Variants in ZIC4 observed in about 807,000 individuals in gnomAD.
ZIC4 encodes Zic family zinc finger 4, also known as zinc finger protein ZIC 4.
A neutral mutation model predicts 28.8 loss-of-function variants in ZIC4; 15 were observed. The ratio of observed to expected loss-of-function variants is 0.52; its 90% CI spans 0.35 to 0.80. ZIC4 has a LOEUF of 0.80. Among genes scored for constraint, ZIC4 ranks in the 30% least tolerant of loss-of-function variants. The pLI is 0.01. For missense variants in ZIC4, 512 were observed against 467.1 expected (o/e 1.10, Z -0.89); for synonymous variants, 220 against 198.1 (o/e 1.11, Z -0.93).
chr3:147,396,031 T>C lies in ZIC4; in HGVS notation c.509A>G (p.Asn170Ser). The C allele has an allele frequency of 1.2e-6, 2 of 1,614,266 alleles. No homozygotes were observed. The highest frequency in any genetic ancestry group is 1.7e-6 in the Non-Finnish European group (2 of 1,180,048). Residue 170 changes from asparagine (N) to serine (S), a missense_variant, in exon 3 of 5, where the codon AAC (asparagine) becomes AGC (serine). This residue lies in a region of ZIC4 where 310 missense variants were observed against 256.5 expected (regional missense o/e 1.21). Coordinates refer to ENST00000383075, the MANE Select transcript of ZIC4 (RefSeq NM_032153.6). This position sits in a 1 kb window ranked among gnomAD's most constrained non-coding sequence, Gnocchi z 4.2. ...VEHVGGPEQA[N>S]HICFWEECPR... ...ACACTCCTCCCAGAAGCAAATGTGG[T>C]TGGCCTGTTCCGGGCCGCCGACGTG... is the stretch of plus-strand genomic sequence containing the variant.
intron 2 of ZIC4, among the ~76,000 whole-genome samples, chr3:147,399,961 C>T (rs769100849): frequency 2.0e-5 from 3 of 152,128 alleles, no homozygotes; most frequent in Non-Finnish European, 2.9e-5. Flanking sequence ...CCACTGCACC[C>T]GGCCAGATTT....
At chr3:147,392,454 G>A (rs1293260012) in intron 3 of ZIC4, 4 of 985,290 alleles carry the variant, frequency 4.1e-6, no homozygotes, top group Middle Eastern at 5.2e-4. Context: ...TGTAGGAGAG[G>A]AAAGGACCCC....
intron 3 of ZIC4, chr3:147,393,746 C>T (rs900440434): frequency 5.5e-6 from 2 of 364,118 alleles, no homozygotes; most frequent in African/African-American, 2.2e-5. Context: ...CCTCAGACGC[C>T]GGGGAAGGTG....
chr3:147,392,023 C>T, intron 3 of ZIC4: 1 of 985,516 alleles, frequency 1.0e-6, no homozygotes, highest in South Asian at 4.7e-5. Context: ...TATTTCATTA[C>T]GCTGCTCCAG....
Position 147,396,298 on chromosome 3 carries a change from C to T in ZIC4, c.242G>A (p.Gly81Glu). 1 of 1,605,078 alleles carries T rather than the reference C, an allele frequency of 6.2e-7. No homozygotes were observed. The highest frequency in any genetic ancestry group is 2.2e-5 in the East Asian group (1 of 44,666). ...MYARPEPFPP[G>E]PAARSDALAA... ...CAGGGCGTCGCTGCGGGCCGCAGGC[C>T]CTGGCGGGAAGGGCTCCGGCCGCGC... Residue 81 changes from glycine (G) to glutamate (E), a missense_variant, in exon 3 of 5, where the codon GGG becomes GAG. Physicochemically the swap from Gly to Glu is moderately conservative, Grantham distance 98. Coordinates refer to ENST00000383075, the MANE Select transcript of ZIC4 (RefSeq NM_032153.6). The surrounding 1 kb of genome is among the most constrained non-coding windows in gnomAD (Gnocchi z 4.2).
intron 3 of ZIC4, 200 bp from the exon 4 acceptor site, chr3:147,391,446 A>C (rs2107965880): frequency 3.5e-6 from 2 of 579,534 alleles, no homozygotes; most frequent in South Asian, 2.5e-5. Context: ...GAACGCCTCC[A>C]TCCCTCCCGC....
intron 2 of ZIC4, among the ~76,000 whole-genome samples, chr3:147,400,968 T>C (rs1470479628): frequency 6.6e-6 from 1 of 152,226 alleles, no homozygotes; most frequent in Admixed American, 6.5e-5. Context: ...TAAGTCTACT[T>C]TTCTGCTTCA....
chr3:147,395,403 C>A (rs1367442487), intron 3 of ZIC4, among the ~76,000 whole-genome samples: 6 of 152,170 alleles, frequency 3.9e-5, no homozygotes, highest in Non-Finnish European at 7.3e-5. Context: ...CTAAAGAAGG[C>A]TCCAGGGCCT....
At chr3:147,392,106 G>T in intron 3 of ZIC4, 3 of 985,686 alleles carry the variant, frequency 3.0e-6, no homozygotes, top group Non-Finnish European at 3.6e-6. Context: ...CGACCGGTCT[G>T]CCCAGACCAC....
intron 1 of ZIC4, 71 bp from the exon 2 acceptor site, chr3:147,402,883 GT>G (rs1219587974): frequency 3.1e-6 from 4 of 1,288,840 alleles, no homozygotes; most frequent in Non-Finnish European, 3.3e-6. Flanking sequence ...ACATCCTGTG[GT>G]TTGAATGTAT....
intron 2 of ZIC4, among the ~76,000 whole-genome samples, chr3:147,400,583 T>C (rs1219837690): frequency 6.6e-6 from 1 of 152,238 alleles, no homozygotes; most frequent in Non-Finnish European, 1.5e-5. Context: ...TATATGTTGG[T>C]TGGCTAAACC....
intron 3 of ZIC4, chr3:147,393,482 C>G (rs1229173294): frequency 5.9e-6 from 1 of 169,446 alleles, no homozygotes; most frequent in Non-Finnish European, 1.3e-5. Flanking sequence ...TTGGGCTAGG[C>G]CCCTGCAGCC....
chr3:147,391,815 G>T, intron 3 of ZIC4: 2 of 314,282 alleles, frequency 6.4e-6, no homozygotes, highest in Non-Finnish European at 9.2e-6. Context: ...CGCAGCCGAT[G>T]CACATTGTGT....
At chr3:147,392,906 A>G (rs2086956277) in intron 3 of ZIC4, 1 of 152,162 alleles carries the variant, frequency 6.6e-6, no homozygotes, top group Admixed American at 6.5e-5. Flanking sequence ...CATTTTATAA[A>G]ACAGTGATAG....
chr3:147,404,698 C>G (rs1185704226), intron 1 of ZIC4, among the ~76,000 whole-genome samples: 2 of 152,206 alleles, frequency 1.3e-5, no homozygotes, highest in Non-Finnish European at 2.9e-5. Flanking sequence ...GAACGGGTGC[C>G]AGGGAGCTCC....
chr3:147,389,592 G>GA (rs1246550151), intron 4 of ZIC4, among the ~76,000 whole-genome samples: 1 of 152,006 alleles, frequency 6.6e-6, no homozygotes, highest in South Asian at 2.1e-4. Flanking sequence ...GGGGAGGGGG[G>GA]AAAAAGGACC....
chr3:147,404,760 GC>G (rs2087240657), intron 1 of ZIC4, among the ~76,000 whole-genome samples: 1 of 152,184 alleles, frequency 6.6e-6, no homozygotes, highest in African/African-American at 2.4e-5. Context: ...GTGGGTAGGT[GC>G]AAAAAGCACC....
chr3:147,390,798 TG>T lies in ZIC4; in HGVS notation c.1004+132del, dbSNP rs2086895925. The T allele has an allele frequency of 5.9e-6, 7 of 1,188,578 alleles. No homozygotes were observed. In the East Asian group the frequency reaches 1.5e-4, roughly 26 times the overall value. The allele number at this position is 1,188,578 out of a possible 1,614,324, so 73.6% of individuals were successfully genotyped here. On this transcript the variant is annotated intron_variant, in intron 4 of 4. Transcript: ENST00000383075. ...CGTGGCCTACTCTGCATTCGGTGTGTGCGGAAGCAGCAATCACAGAGGCAGC... is the reference window on the plus strand; with the variant it reads ...CGTGGCCTACTCTGCATTCGGTGTGTCGGAAGCAGCAATCACAGAGGCAGC...
Position 147,388,890 on chromosome 3 carries a change from A to T in ZIC4, c.*-31T>A, listed in dbSNP as rs773932971. On this transcript the variant is annotated intron_variant, in intron 4 of 4. Transcript: ENST00000383075. ...ACAAGCAAATGAAAAATTAAAGGCG[A>T]TTAGTGGCCGACCAAACATTTTGTT... 83 of 779,406 alleles carry T rather than the reference A, an allele frequency of 1.1e-4. No homozygotes were observed. In the East Asian group the frequency reaches 2.0e-3, roughly 19 times the overall value. The allele number at this position is 779,406 out of a possible 1,614,324, so 48.3% of individuals were successfully genotyped here.
Sources: allele counts gnomAD v4.1 joint callset (sites outside exome capture counted in the v4.1 genomes callset), GRCh38; gene constraint gnomAD v4.1.1; regional missense constraint gnomAD v4.1.1; non-coding constraint Gnocchi (gnomAD v3.1); transcripts MANE v1.5; gene names NCBI Gene and HGNC (gene_info 2026-07-23, HGNC 2026-07-21).